The following LYRM4 variants were observed in gnomAD, a reference collection of about 807,000 sequenced individuals.
LYRM4 encodes the protein LYR motif-containing protein 4.
A neutral mutation model predicts 11.7 loss-of-function variants in LYRM4; 9 were observed. The ratio of observed to expected loss-of-function variants is 0.77; its 90% CI spans 0.46 to 1.34. The LOEUF is 1.34. Among genes scored for constraint, LYRM4 ranks in the 40% most tolerant of loss-of-function variants. The pLI, the probability that LYRM4 is intolerant of heterozygous loss-of-function variation, is 0.00. For missense variants in LYRM4, 133 were observed against 112.5 expected (o/e 1.18, Z -0.82); for synonymous variants, 42 against 40.4 (o/e 1.04, Z -0.15).
intron 1 of LYRM4, among the ~76,000 whole-genome samples, chr6:5,224,394 A>G (rs1479944256): frequency 6.6e-6 from 1 of 152,206 alleles, no homozygotes; most frequent in East Asian, 1.9e-4. Flanking sequence ...AGTTTTTGAA[A>G]AGACAAAGGG....
chr6:5,086,567 G>T, the LYRM4 span: 1 of 1,504,138 alleles, frequency 6.6e-7, no homozygotes, highest in Non-Finnish European at 8.9e-7. Flanking sequence ...CTCTGAGCCT[G>T]GAGAGTTTCG....
chr6:5,151,529 G>A (rs754236489), intron 2 of LYRM4, among the ~76,000 whole-genome samples: 3 of 152,234 alleles, frequency 2.0e-5, no homozygotes, highest in Non-Finnish European at 4.4e-5. Context: ...CTCGGTCCTT[G>A]AGCAAACGGC....
At chr6:5,115,376 C>T (rs529925401) in intron 2 of LYRM4, among the ~76,000 whole-genome samples, 1 of 152,312 alleles carries the variant, frequency 6.6e-6, no homozygotes, top group Non-Finnish European at 1.5e-5. Flanking sequence ...AGAACAAACA[C>T]GCTTCTCCCC....
At chr6:5,048,574 G>C in the LYRM4 span, among the ~76,000 whole-genome samples, 1 of 152,132 alleles carries the variant, frequency 6.6e-6, no homozygotes, top group Non-Finnish European at 1.5e-5. Flanking sequence ...GCCCAGGCTG[G>C]TCTTGAACTC....
intron 2 of LYRM4, chr6:5,113,447 G>C (rs1242845800): frequency 5.9e-6 from 2 of 337,064 alleles, no homozygotes; most frequent in Non-Finnish European, 1.2e-5. Flanking sequence ...GGTGAGAGGT[G>C]ATTCCAGCTT....
chr6:5,204,161 T>G (rs1761555405), intron 2 of LYRM4, among the ~76,000 whole-genome samples: 1 of 152,190 alleles, frequency 6.6e-6, no homozygotes, highest in Admixed American at 6.5e-5. Flanking sequence ...GTTGTACTCC[T>G]GGGCCTGTGC....
intron 1 of LYRM4, among the ~76,000 whole-genome samples, chr6:5,219,692 T>A (rs141031422): frequency 6.6e-6 from 1 of 152,152 alleles, no homozygotes; most frequent in East Asian, 1.9e-4. Flanking sequence ...CCTGCCCTGG[T>A]TTTTATCATT....
intron 2 of LYRM4, among the ~76,000 whole-genome samples, chr6:5,118,767 T>G (rs1763264331): frequency 1.3e-5 from 2 of 152,250 alleles, no homozygotes; most frequent in African/African-American, 4.8e-5. Flanking sequence ...TTTTTCAGTC[T>G]GTTCTGTATA....
At chr6:5,236,801 T>A (rs959742982) in intron 1 of LYRM4, among the ~76,000 whole-genome samples, 15 of 147,412 alleles carry the variant, frequency 1.0e-4, no homozygotes, top group Middle Eastern at 3.2e-3. Context: ...AAAAAAAAAA[T>A]TAAAAATTAG....
chr6:5,190,957 A>G (rs948111570), intron 2 of LYRM4, among the ~76,000 whole-genome samples: 2 of 152,240 alleles, frequency 1.3e-5, no homozygotes, highest in Admixed American at 1.3e-4. Context: ...TATCAGCTAA[A>G]GGCATTGTAT....
the LYRM4 span, among the ~76,000 whole-genome samples, chr6:5,036,802 A>G: frequency 2.0e-5 from 3 of 152,194 alleles, no homozygotes; most frequent in African/African-American, 4.8e-5. Context: ...GAGAAGACAC[A>G]GTCCACTTTC....
chr6:5,086,590 G>A, the LYRM4 span: 1 of 1,466,252 alleles, frequency 6.8e-7, no homozygotes, highest in African/African-American at 1.4e-5. Context: ...GAGCCGTGGG[G>A]CGGGGTTGAT....
At chr6:5,229,407 T>C (rs1561886874) in intron 1 of LYRM4, among the ~76,000 whole-genome samples, 1 of 152,128 alleles carries the variant, frequency 6.6e-6, no homozygotes, top group Admixed American at 6.5e-5. Context: ...GGTGTAGTTA[T>C]AGAAAAGGCA....
chr6:5,054,822 C>G, the LYRM4 span, among the ~76,000 whole-genome samples: 2 of 152,170 alleles, frequency 1.3e-5, no homozygotes, highest in Non-Finnish European at 2.9e-5. Context: ...CAACCTGACT[C>G]TGGTATGGAA....
chr6:5,103,628 A>ATTTTTTTTTTTTT (rs1491437052), downstream of LYRM4: 2 of 98,622 alleles, frequency 2.0e-5, no homozygotes. Context: ...AATATCTGAG[A>ATTTTTTTTTTTTT]TATTTTTTTT....
At chr6:5,201,298 T>G (rs1370036861) in intron 2 of LYRM4, among the ~76,000 whole-genome samples, 1 of 152,176 alleles carries the variant, frequency 6.6e-6, no homozygotes, top group Non-Finnish European at 1.5e-5. Flanking sequence ...CACTGCTTGC[T>G]AGTCCTGGCA....
intron 2 of LYRM4, among the ~76,000 whole-genome samples, chr6:5,214,345 G>A (rs1581520817): frequency 6.6e-6 from 1 of 152,172 alleles, no homozygotes; most frequent in Non-Finnish European, 1.5e-5. Context: ...CCAGGCAGGT[G>A]GTGCACAAGC....
intron 1 of LYRM4, chr6:5,218,108 C>T: frequency 2.5e-6 from 1 of 407,268 alleles, no homozygotes; most frequent in Non-Finnish European, 3.3e-6. Flanking sequence ...GGACTTGCTG[C>T]GTTGCCCAGG....
At chr6:5,085,138 C>T in the LYRM4 span, 1 of 309,146 alleles carries the variant, frequency 3.2e-6, no homozygotes, top group Non-Finnish European at 5.9e-6. Flanking sequence ...CAGAAAGTCG[C>T]CCCCCGCATT....
Sources: allele counts gnomAD v4.1 joint callset (sites outside exome capture counted in the v4.1 genomes callset), GRCh38; gene constraint gnomAD v4.1.1; transcripts MANE v1.5; gene names NCBI Gene and HGNC (gene_info 2026-07-23, HGNC 2026-07-21).